The following RGS20 variants were observed in gnomAD, a reference collection of about 807,000 sequenced individuals.
The protein encoded by RGS20 is gz-selective GTPase-activating protein.
A neutral mutation model predicts 33.6 loss-of-function variants in RGS20; 30 were observed. That is an observed-to-expected ratio of 0.89 (90% CI 0.67 to 1.21). RGS20 has a LOEUF of 1.21. Ranked by LOEUF, RGS20 falls within the 50% of genes most tolerant of loss-of-function variation. The pLI, the probability that RGS20 is intolerant of heterozygous loss-of-function variation, is 0.00. For missense variants in RGS20, 472 were observed against 502.4 expected (o/e 0.94, Z 0.58); for synonymous variants, 208 against 197.9 (o/e 1.05, Z -0.43).
chr8:53,889,731 GT>G, intron 2 of RGS20, among the ~76,000 whole-genome samples: 1 of 150,230 alleles, frequency 6.7e-6, no homozygotes, highest in Non-Finnish European at 1.5e-5. Context: ...TTCTGTGTGT[GT>G]GTGTGTGTGT....
intron 4 of RGS20, among the ~76,000 whole-genome samples, chr8:53,951,913 A>G (rs551057693): frequency 5.0e-4 from 76 of 151,388 alleles, no homozygotes; most frequent in African/African-American, 1.7e-3. Flanking sequence ...GCTAGTCGGG[A>G]GGCTGAGGCA....
chr8:53,886,637 G>T (rs915221383), intron 2 of RGS20, among the ~76,000 whole-genome samples: 7 of 152,196 alleles, frequency 4.6e-5, no homozygotes, highest in African/African-American at 1.7e-4. Flanking sequence ...TTCCTGAGGT[G>T]CTGGGTTGTA....
rs184638241 is a variant in RGS20, at chr8:53,947,196, C to T, written c.743+448C>T. Among the ~76,000 whole-genome samples the T allele has an allele frequency of 6.7e-3, 926 of 138,266 alleles. 12 individuals carry two copies. The highest frequency in any genetic ancestry group is 0.025 in the South Asian group (112 of 4,532). 90.7% of individuals were successfully genotyped at this position (138,266 alleles called of 152,430 possible). ...ATATAAGATATAGCATATTTATACA[C>T]GCTATATAAGATATAGCATATTTAT... On this transcript the variant is annotated intron_variant, in intron 4 of 5. Coordinates refer to ENST00000297313, the MANE Select transcript of RGS20 (RefSeq NM_170587.4).
intron 2 of RGS20, among the ~76,000 whole-genome samples, chr8:53,926,669 T>C (rs1189668688): frequency 1.3e-5 from 2 of 152,144 alleles, no homozygotes; most frequent in African/African-American, 4.8e-5. Flanking sequence ...CCCAGCACTT[T>C]GGGAGGCTGA....
chr8:53,901,469 T>C (rs1813026743), intron 2 of RGS20, among the ~76,000 whole-genome samples: 1 of 152,162 alleles, frequency 6.6e-6, no homozygotes, highest in African/African-American at 2.4e-5. Flanking sequence ...TTAGAGACAT[T>C]TCCCCACAGA....
At chr8:53,871,112 CAAAAAAAAAAAAAAAAA>C (rs370091533) in intron 1 of RGS20, among the ~76,000 whole-genome samples, 1 of 21,464 alleles carries the variant, frequency 4.7e-5, no homozygotes, top group African/African-American at 1.1e-4. Context: ...CTCCATCTCA[CAAAAAAAAAAAAAAAAA>C]AAAAAAAAAA....
intron 4 of RGS20, among the ~76,000 whole-genome samples, chr8:53,949,673 C>T (rs1814654913): frequency 6.7e-6 from 1 of 149,758 alleles, no homozygotes; most frequent in Admixed American, 6.7e-5. Flanking sequence ...GCCAAGATTG[C>T]ACCACTGCAC....
intron 2 of RGS20, among the ~76,000 whole-genome samples, chr8:53,887,725 C>G (rs923054836): frequency 6.6e-6 from 1 of 152,218 alleles, no homozygotes; most frequent in Non-Finnish European, 1.5e-5. Flanking sequence ...GCCTGTAATT[C>G]CCACACTTTA....
At chr8:53,910,239 A>T (rs1260740272) in intron 2 of RGS20, among the ~76,000 whole-genome samples, 1 of 152,190 alleles carries the variant, frequency 6.6e-6, no homozygotes, top group Non-Finnish European at 1.5e-5. Context: ...AAGAGCACAA[A>T]GCTGGTATTT....
rs1188605059 is a variant in RGS20 at position 53,948,070 on chromosome 8, T to TTATATATGCTATATATAAGATGTAGTA, written c.743+1367_743+1393dup. On this transcript the variant is annotated intron_variant, in intron 4 of 5. Coordinates refer to ENST00000297313, the MANE Select transcript of RGS20 (RefSeq NM_170587.4). ...TATATGTAGGATATAGTATATATAT[T>TTATATATGCTATATATAAGATGTAGTA]TATATATGCTATATATAAGATGTAG... 1.2e-3 allele frequency among the ~76,000 whole-genome samples: 163 copies of TTATATATGCTATATATAAGATGTAGTA among 134,812 alleles called. 8 individuals are homozygous for TTATATATGCTATATATAAGATGTAGTA. Among genetic ancestry groups the TTATATATGCTATATATAAGATGTAGTA allele is most frequent in the African/African-American group, 4.0e-3 (147 of 36,564 alleles). The allele number at this position is 134,812 out of a possible 152,430, so 88.4% of individuals were successfully genotyped here. A position where few individuals can be genotyped will look rare whatever the true frequency, so the allele number is the denominator to read the frequency against.
At chr8:53,878,833 G>A (rs1390829338) in intron 1 of RGS20, among the ~76,000 whole-genome samples, 2 of 152,136 alleles carry the variant, frequency 1.3e-5, no homozygotes, top group Non-Finnish European at 2.9e-5. Flanking sequence ...AGAAGGGAGG[G>A]GAAGAGCAAC....
At chr8:53,955,595 C>T (rs796954814) in intron 5 of RGS20, among the ~76,000 whole-genome samples, 7 of 152,162 alleles carry the variant, frequency 4.6e-5, no homozygotes, top group African/African-American at 1.4e-4. Flanking sequence ...TTTGGCAGGC[C>T]GAGGCAGGTG....
chr8:53,951,367 C>T (rs564131385), intron 4 of RGS20, among the ~76,000 whole-genome samples: 16 of 152,002 alleles, frequency 1.1e-4, no homozygotes, highest in Non-Finnish European at 2.1e-4. Context: ...TGCGTGCCTG[C>T]AGTCCCAGCT....
In RGS20 at chr8:53,877,040, C is replaced by T. The variant is rs1263859977; in HGVS notation, c.166-2218C>T. Among the ~76,000 whole-genome samples the T allele has an allele frequency of 6.6e-6, 1 of 152,200 alleles. No individual in the cohort carries two copies. Among genetic ancestry groups the T allele is most frequent in the Non-Finnish European group, 1.5e-5 (1 of 68,032 alleles). ...GAGGTTACGAGTTCGCACGTTCTCA[C>T]AAAACCATTTGAAAACATGAGCTGG... On this transcript the variant is annotated intron_variant, in intron 1 of 5. Coordinates refer to ENST00000297313, the MANE Select transcript of RGS20 (RefSeq NM_170587.4). The surrounding 1 kb of genome is among the most constrained non-coding windows in gnomAD (Gnocchi z 5.7).
chr8:53,875,033 C>G (rs1812168155), intron 1 of RGS20, among the ~76,000 whole-genome samples: 1 of 152,110 alleles, frequency 6.6e-6, no homozygotes, highest in African/African-American at 2.4e-5. Flanking sequence ...TTCGCCTGAA[C>G]AAAAATAGTT....
chr8:53,950,076 G>T (rs1019407059), intron 4 of RGS20, among the ~76,000 whole-genome samples: 3 of 152,086 alleles, frequency 2.0e-5, no homozygotes, highest in African/African-American at 7.2e-5. Flanking sequence ...CTGACCTCAG[G>T]TGATTCGCCC....
intron 1 of RGS20, among the ~76,000 whole-genome samples, chr8:53,873,778 A>AG (rs2129272144): frequency 6.6e-6 from 1 of 152,368 alleles, no homozygotes; most frequent in African/African-American, 2.4e-5. Flanking sequence ...TAGAAAAAAA[A>AG]CTGTATTGCA....
intron 2 of RGS20, among the ~76,000 whole-genome samples, chr8:53,938,129 A>C (rs1814187298): frequency 6.6e-6 from 1 of 152,236 alleles, no homozygotes; most frequent in African/African-American, 2.4e-5. Flanking sequence ...GACTTGAACC[A>C]ACCCAAATGC....
chr8:53,911,618 T>C (rs574190818), intron 2 of RGS20, among the ~76,000 whole-genome samples: 1 of 152,314 alleles, frequency 6.6e-6, no homozygotes, highest in African/African-American at 2.4e-5. Flanking sequence ...AAAGGTGTTA[T>C]GAGATTTGTC....
Sources: allele counts gnomAD v4.1 joint callset (sites outside exome capture counted in the v4.1 genomes callset), GRCh38; gene constraint gnomAD v4.1.1; non-coding constraint Gnocchi (gnomAD v3.1); transcripts MANE v1.5; gene names NCBI Gene and HGNC (gene_info 2026-07-23, HGNC 2026-07-21).